CNNM2: variants seen among roughly 807,000 people sequenced by gnomAD.
CNNM2 encodes the protein metal transporter CNNM2.
Under a neutral mutation model 66.9 loss-of-function variants are expected in CNNM2, and 12 were observed. The ratio of observed to expected loss-of-function variants is 0.18; its 90% CI spans 0.11 to 0.29. CNNM2 has a LOEUF of 0.29. Among genes scored for constraint, CNNM2 ranks in the 10% least tolerant of loss-of-function variants. CNNM2 has a pLI of 1.00. For missense variants in CNNM2, 705 were observed against 1,167.7 expected, an observed-to-expected ratio of 0.60 and a Z score of 5.77; for synonymous variants, 557 against 501.8, an observed-to-expected ratio of 1.11 and a Z score of -1.47.
At chr10:103,042,027 TC>T in intron 1 of CNNM2, among the ~76,000 whole-genome samples, 1 of 152,350 alleles carries the variant, frequency 6.6e-6, no homozygotes, top group Admixed American at 6.5e-5. Flanking sequence ...ATCTGACATT[TC>T]TACTAGGATG....
chr10:103,073,669 G>A (rs1409064171), intron 6 of CNNM2, among the ~76,000 whole-genome samples: 2 of 151,638 alleles, frequency 1.3e-5, no homozygotes, highest in Non-Finnish European at 2.9e-5. Context: ...AGACCATCCT[G>A]GCTAACAAGG....
intron 6 of CNNM2, among the ~76,000 whole-genome samples, chr10:103,074,571 G>T (rs1001036337): frequency 1.3e-5 from 2 of 151,982 alleles, no homozygotes; most frequent in Non-Finnish European, 1.5e-5. Flanking sequence ...GGTGGCTCAC[G>T]CCTGTAATCC....
chr10:102,951,913 C>A (rs1484927796), intron 1 of CNNM2, among the ~76,000 whole-genome samples: 1 of 152,066 alleles, frequency 6.6e-6, no homozygotes. Flanking sequence ...AAGCTATTCT[C>A]CTGCCTCAGC....
At chr10:103,020,855 T>C (rs763112008) in intron 1 of CNNM2, among the ~76,000 whole-genome samples, 3 of 152,094 alleles carry the variant, frequency 2.0e-5, no homozygotes, top group South Asian at 2.1e-4. Context: ...GAATTGGTAC[T>C]AACAGGAGGG....
intron 4 of CNNM2, among the ~76,000 whole-genome samples, chr10:103,057,834 A>G (rs761654840): frequency 9.2e-5 from 14 of 152,216 alleles, no homozygotes; most frequent in Non-Finnish European, 1.6e-4. Flanking sequence ...TTCTCACTGT[A>G]ACATAATTCA....
At chr10:103,045,531 G>A (rs1441802567) in intron 1 of CNNM2, among the ~76,000 whole-genome samples, 1 of 152,032 alleles carries the variant, frequency 6.6e-6, no homozygotes, top group Non-Finnish European at 1.5e-5. Flanking sequence ...GGTTGTATCT[G>A]GGTGAACTTA....
chr10:103,002,358 G>C (rs758298990), intron 1 of CNNM2, among the ~76,000 whole-genome samples: 1 of 152,090 alleles, frequency 6.6e-6, no homozygotes, highest in Admixed American at 6.6e-5. Context: ...CAATAAGCAC[G>C]TGAAAAGATG....
intron 1 of CNNM2, among the ~76,000 whole-genome samples, chr10:103,020,492 A>G (rs1182830550): frequency 1.3e-5 from 2 of 152,126 alleles, no homozygotes; most frequent in South Asian, 2.1e-4. Flanking sequence ...AATCCATTCA[A>G]CCAATATTTA....
At position 103,090,017 on chromosome 10, in the gene CNNM2, G is replaced by A; in HGVS notation, c.*12837G>A. On this transcript the variant is annotated 3_prime_UTR_variant, in exon 8 of 8. Transcript: ENST00000369878. ...GTGGCCATGCAATTACATCTATAAT[G>A]GACCACAGGACAAGTCAATATAGAC... is the stretch of plus-strand genomic sequence containing the variant. 1.3e-6 allele frequency: 1 copy of A among 748,686 alleles called. No homozygotes were observed. The highest frequency in any genetic ancestry group is 2.1e-6 in the Non-Finnish European group (1 of 475,884). The allele number at this position is 748,686 out of a possible 1,614,324, so 46.4% of individuals were successfully genotyped here. A position where few individuals can be genotyped will look rare whatever the true frequency, so the allele number is the denominator to read the frequency against.
chr10:102,933,741 A>T (rs1380393861), intron 1 of CNNM2, among the ~76,000 whole-genome samples: 2 of 152,218 alleles, frequency 1.3e-5, no homozygotes, highest in Non-Finnish European at 2.9e-5. Context: ...TCATTAGCAC[A>T]TAAATACGTA....
chr10:102,952,730 G>A (rs1172094084), intron 1 of CNNM2, among the ~76,000 whole-genome samples: 2 of 152,184 alleles, frequency 1.3e-5, no homozygotes, highest in Non-Finnish European at 2.9e-5. Context: ...AGGAACCCGA[G>A]TGTTGGGGGC....
intron 2 of CNNM2, among the ~76,000 whole-genome samples, chr10:103,050,901 G>A (rs2065203032): frequency 6.6e-6 from 1 of 152,078 alleles, no homozygotes; most frequent in Non-Finnish European, 1.5e-5. Context: ...GGACTGTGGA[G>A]CTTAAATCTT....
At position 102,957,814 on chromosome 10, in the gene CNNM2, TG is replaced by T. The variant is rs543110429; in HGVS notation, c.1621+37716del. Among the ~76,000 whole-genome samples, 196 of 152,344 alleles carry T rather than the reference TG, an allele frequency of 1.3e-3. 1 individual carries two copies. Among genetic ancestry groups the T allele is most frequent in the African/African-American group, 4.4e-3 (184 of 41,572 alleles). On this transcript the variant is annotated intron_variant, in intron 1 of 7. Transcript: ENST00000369878. ...ATGTTAGGCTGGTAGATCGCTTACC[TG>T]GGCATTACTTGTTTGCTTCTCTGGA...
intron 1 of CNNM2, among the ~76,000 whole-genome samples, chr10:103,001,670 T>C (rs2064124504): frequency 6.6e-6 from 1 of 152,038 alleles, no homozygotes; most frequent in South Asian, 2.1e-4. Flanking sequence ...TACACAAAAA[T>C]GAACTAAAAA....
rs1554906985 is a variant in CNNM2, at chr10:103,076,113, G to T, written c.2261G>T (p.Cys754Phe). ...GAAAATAAGTCCCCTCCTCGCCCATGTGGCTTGAATCACTCAGACTCTCTC... is the reference window on the plus strand; with the variant it reads ...GAAAATAAGTCCCCTCCTCGCCCATTTGGCTTGAATCACTCAGACTCTCTC... Reference protein sequence around the residue: ...PGENKSPPRPCGLNHSDSLSR... With the variant: ...PGENKSPPRPFGLNHSDSLSR... The change falls in exon 7 of 8, where the codon TGT becomes TTT. Residue 754 changes from cysteine (C) to phenylalanine (F), a missense_variant. Coordinates refer to ENST00000369878, the MANE Select transcript of CNNM2 (RefSeq NM_017649.5). 3.1e-6 allele frequency: 5 copies of T among 1,612,104 alleles called. No homozygotes were observed. Among genetic ancestry groups the T allele is most frequent in the Non-Finnish European group, 4.2e-6 (5 of 1,179,074 alleles).
In CNNM2 at chr10:103,086,164, C is replaced by G. The variant is rs1156383022; in HGVS notation, c.*8984C>G. 6.6e-6 allele frequency: 1 copy of G among 152,106 alleles called. No homozygotes were observed. The highest frequency in any genetic ancestry group is 1.5e-5 in the Non-Finnish European group (1 of 68,032). 9.4% of individuals were successfully genotyped at this position (152,106 alleles called of 1,614,324 possible). On this transcript the variant is annotated 3_prime_UTR_variant, in exon 8 of 8. Transcript: ENST00000369878. Reference sequence around the variant, plus strand: ...TATCTGCAGGGTTGCTCTGGTAGCTCCATGGTAGAGATTTCACTCTCAGGG... The same window carrying G: ...TATCTGCAGGGTTGCTCTGGTAGCTGCATGGTAGAGATTTCACTCTCAGGG...
intron 5 of CNNM2, 123 bp from the exon 6 acceptor site, chr10:103,071,651 A>G: frequency 1.2e-6 from 1 of 825,408 alleles, no homozygotes; most frequent in East Asian, 2.4e-5. Context: ...ACCGACTTGC[A>G]TTTCTGCAAC....
intron 1 of CNNM2, among the ~76,000 whole-genome samples, chr10:102,973,872 T>C (rs1031864852): frequency 1.4e-5 from 2 of 145,256 alleles, no homozygotes; most frequent in African/African-American, 2.5e-5. Context: ...TGAATCCTTA[T>C]GCGGGATTGC....
At chr10:102,961,846 A>G (rs909124078) in intron 1 of CNNM2, among the ~76,000 whole-genome samples, 1 of 152,096 alleles carries the variant, frequency 6.6e-6, no homozygotes, top group African/African-American at 2.4e-5. Context: ...GGATCACATG[A>G]GCCCAGAAGT....
Sources: gnomAD v4.1 joint callset for allele counts (sites outside exome capture counted in the v4.1 genomes callset) on GRCh38, gnomAD v4.1.1 for gene constraint, MANE v1.5 for transcripts, NCBI Gene and HGNC (gene_info 2026-07-23, HGNC 2026-07-21) for gene names.